The following HCN1 variants were observed in gnomAD, a reference collection of about 807,000 sequenced individuals.
HCN1 encodes potassium/sodium hyperpolarization-activated cyclic nucleotide-gated channel 1.
In HCN1, 13 loss-of-function variants were observed where a neutral mutation model predicts 78.9. The observed-to-expected ratio is 0.16, with a 90% CI of 0.11 to 0.26. The LOEUF (loss-of-function observed/expected upper bound fraction) is 0.26, where lower values mean the gene tolerates loss of function less well. Among genes scored for constraint, HCN1 ranks in the 10% least tolerant of loss-of-function variants. The pLI is 1.00. For synonymous variants in HCN1, 552 were observed against 455.5 expected, an observed-to-expected ratio of 1.21 and a Z score of -2.70; for missense variants, 810 against 1,154.3, an observed-to-expected ratio of 0.70 and a Z score of 4.32.
intron 4 of HCN1, among the ~76,000 whole-genome samples, chr5:45,378,559 A>G (rs1436231538): frequency 6.6e-6 from 1 of 152,056 alleles, no homozygotes; most frequent in African/African-American, 2.4e-5. Context: ...ATTGTTGTCT[A>G]TCTATCCATT....
In HCN1 at chr5:45,367,956, T is replaced by C. The variant is rs1007666154; in HGVS notation, c.1231-14710A>G. 6.6e-5 allele frequency among the ~76,000 whole-genome samples: 10 copies of C among 152,014 alleles called. 1 individual carries two copies. In the South Asian group the frequency reaches 1.9e-3, roughly 28 times the overall value. On this transcript the variant is annotated intron_variant, in intron 4 of 7. Transcript: ENST00000303230. ...GAAGTGAATTGGCTGTTATGGGTTA[T>C]GCAAAGTAAAGAAGTGAAATGCAAG...
chr5:45,537,010 A>C (rs1742979763), intron 2 of HCN1, among the ~76,000 whole-genome samples: 1 of 152,182 alleles, frequency 6.6e-6, no homozygotes, highest in Non-Finnish European at 1.5e-5. Context: ...GAGATTTTGT[A>C]CTAAAATTTG....
intron 3 of HCN1, among the ~76,000 whole-genome samples, chr5:45,400,394 CTTT>C (rs541820226): frequency 5.3e-5 from 6 of 112,982 alleles, no homozygotes; most frequent in Non-Finnish European, 7.3e-5. Context: ...ATTAAAAATG[CTTT>C]TTTTTTTTTT....
intron 6 of HCN1, among the ~76,000 whole-genome samples, chr5:45,272,356 G>A (rs1744976579): frequency 6.6e-6 from 1 of 151,990 alleles, no homozygotes. Flanking sequence ...TAGAAATTAT[G>A]TATGTATTAG....
At chr5:45,424,052 G>A (rs975691917) in intron 3 of HCN1, among the ~76,000 whole-genome samples, 1 of 145,784 alleles carries the variant, frequency 6.9e-6, no homozygotes, top group Non-Finnish European at 1.5e-5. Context: ...GAGGAGGGCG[G>A]ATCACGAGGT....
At chr5:45,573,451 AG>A (rs1743873689) in intron 2 of HCN1, among the ~76,000 whole-genome samples, 1 of 148,706 alleles carries the variant, frequency 6.7e-6, no homozygotes, top group African/African-American at 2.5e-5. Context: ...TTTCCTGAGG[AG>A]GGTTTTCCAA....
chr5:45,561,075 C>T (rs192140268), intron 2 of HCN1, among the ~76,000 whole-genome samples: 3 of 152,130 alleles, frequency 2.0e-5, no homozygotes, highest in African/African-American at 7.2e-5. Context: ...AAAGAGAAAA[C>T]ATGCTGAAAT....
chr5:45,607,592 T>G (rs1224623371), intron 2 of HCN1, among the ~76,000 whole-genome samples: 4 of 149,028 alleles, frequency 2.7e-5, no homozygotes, highest in African/African-American at 9.7e-5. Context: ...TATATATATA[T>G]ATATCTATAG....
chr5:45,482,962 G>A (rs151166700), intron 2 of HCN1, among the ~76,000 whole-genome samples: 75 of 152,254 alleles, frequency 4.9e-4, no homozygotes, highest in African/African-American at 1.5e-3. Context: ...TGGCAATATA[G>A]TATTCTATGG....
chr5:45,324,834 A>G (rs1746202722), intron 5 of HCN1, among the ~76,000 whole-genome samples: 1 of 151,824 alleles, frequency 6.6e-6, no homozygotes, highest in South Asian at 2.1e-4. Context: ...TTTGTGAAAA[A>G]AAATTTTTTA....
chr5:45,468,910 T>C (rs1741333447), intron 2 of HCN1, among the ~76,000 whole-genome samples: 1 of 152,016 alleles, frequency 6.6e-6, no homozygotes, highest in Admixed American at 6.6e-5. Context: ...AATCAATTTG[T>C]ATAAAGGGGT....
At chr5:45,323,519 A>G (rs1235021759) in intron 5 of HCN1, among the ~76,000 whole-genome samples, 1 of 151,914 alleles carries the variant, frequency 6.6e-6, no homozygotes, top group East Asian at 1.9e-4. Context: ...TTAATTTAGA[A>G]AGAATTCAAC....
chr5:45,683,818 G>A (rs1030805466), intron 1 of HCN1, among the ~76,000 whole-genome samples: 3 of 151,940 alleles, frequency 2.0e-5, no homozygotes, highest in Admixed American at 6.6e-5. Flanking sequence ...CTACAGGCAT[G>A]CATCTCCATG....
At position 45,503,824 on chromosome 5, in the gene HCN1, T is replaced by C. The variant is rs541651156; in HGVS notation, c.850-41817A>G. Among the ~76,000 whole-genome samples the C allele has an allele frequency of 3.0e-3, 449 of 151,510 alleles. 3 individuals carry two copies. The highest frequency in any genetic ancestry group is 0.01 in the African/African-American group (429 of 41,274). The stretch of plus-strand genomic sequence containing the variant: ...GCCCCAGGCGGAGTTTCATGCTTGT[T>C]GCCCAGGCTGGAATACTATGGTGCC... On this transcript the variant is annotated intron_variant, in intron 2 of 7. Transcript: ENST00000303230.
chr5:45,375,142 T>A (rs1489866801), intron 4 of HCN1, among the ~76,000 whole-genome samples: 1 of 122,348 alleles, frequency 8.2e-6, no homozygotes, highest in Admixed American at 1.1e-4. Flanking sequence ...TATTTTATAA[T>A]ATATAATGTA....
chr5:45,573,866 C>T (rs1414139553), intron 2 of HCN1, among the ~76,000 whole-genome samples: 7 of 151,674 alleles, frequency 4.6e-5, no homozygotes, highest in Non-Finnish European at 1.0e-4. Context: ...TCTTAAAAAC[C>T]ATTATATAAG....
chr5:45,653,324 C>T (rs961067375), intron 1 of HCN1, among the ~76,000 whole-genome samples: 11 of 152,038 alleles, frequency 7.2e-5, no homozygotes, highest in Non-Finnish European at 1.6e-4. Flanking sequence ...AAATGCCTAT[C>T]GTAATTTCTC....
At chr5:45,335,071 AT>A (rs1184580714) in intron 5 of HCN1, among the ~76,000 whole-genome samples, 1 of 152,020 alleles carries the variant, frequency 6.6e-6, no homozygotes, top group African/African-American at 2.4e-5. Context: ...ATATACTGAC[AT>A]TCTATATTCT....
Position 45,259,289 on chromosome 5 carries a change from A to ATATT in HCN1, c.*2628_*2631dup, listed in dbSNP as rs992895620. 1.3e-5 allele frequency: 2 copies of ATATT among 152,052 alleles called. No individual in the cohort carries two copies. Among genetic ancestry groups the ATATT allele is most frequent in the Admixed American group, 1.3e-4 (2 of 15,242 alleles). The allele number at this position is 152,052 out of a possible 1,614,324, so 9.4% of individuals were successfully genotyped here. A position where few individuals can be genotyped will look rare whatever the true frequency, so the allele number is the denominator to read the frequency against. The stretch of plus-strand genomic sequence containing the variant: ...TTGAATTTATTAATAATCTTTATAT[A>ATATT]TATTTATATATGTATGGCTTTGAGC... On this transcript the variant is annotated 3_prime_UTR_variant, in exon 8 of 8. Transcript: ENST00000303230.
Sources: allele counts gnomAD v4.1 joint callset (sites outside exome capture counted in the v4.1 genomes callset), GRCh38; gene constraint gnomAD v4.1.1; transcripts MANE v1.5; gene names NCBI Gene and HGNC (gene_info 2026-07-23, HGNC 2026-07-21).